NAV3: variants seen among roughly 807,000 people sequenced by gnomAD.
The protein encoded by NAV3 is neuron navigator 3, also known as pore membrane and/or filament interacting like protein 1.
A neutral mutation model predicts 244.7 loss-of-function variants in NAV3; 87 were observed. The ratio of observed to expected loss-of-function variants is 0.36; its 90% CI spans 0.30 to 0.42. The LOEUF is 0.42. Among genes scored for constraint, NAV3 ranks in the 20% least tolerant of loss-of-function variants. NAV3 has a pLI of 1.00. For synonymous variants in NAV3, 1,126 were observed against 1,042.2 expected (o/e 1.08, Z -1.55); for missense variants, 2,663 against 2,893.3 (o/e 0.92, Z 1.83).
intron 2 of NAV3, among the ~76,000 whole-genome samples, chr12:77,700,545 G>T (rs1218438817): frequency 6.6e-6 from 1 of 152,056 alleles, no homozygotes; most frequent in East Asian, 1.9e-4. Context: ...TACTGGTGAA[G>T]ATATCTATTA....
chr12:77,922,374 T>C (rs962883824), intron 1 of NAV3, among the ~76,000 whole-genome samples: 2 of 152,146 alleles, frequency 1.3e-5, no homozygotes, highest in African/African-American at 4.8e-5. Flanking sequence ...TTCGGGCTCT[T>C]GTGAATGTTT....
chr12:77,990,329 T>A (rs1056808314), intron 5 of NAV3, among the ~76,000 whole-genome samples: 1 of 152,116 alleles, frequency 6.6e-6, no homozygotes, highest in Non-Finnish European at 1.5e-5. Context: ...GGAAGAAAAG[T>A]TGGTCAACAG....
intron 2 of NAV3, among the ~76,000 whole-genome samples, chr12:77,770,140 T>G (rs1487972627): frequency 6.6e-6 from 1 of 152,054 alleles, no homozygotes; most frequent in Non-Finnish European, 1.5e-5. Flanking sequence ...GGGCTAGAGA[T>G]CCAATTTTTT....
At chr12:77,963,675 G>A (rs1892235099) in intron 3 of NAV3, among the ~76,000 whole-genome samples, 1 of 152,056 alleles carries the variant, frequency 6.6e-6, no homozygotes, top group Non-Finnish European at 1.5e-5. Flanking sequence ...AGCTACTCAG[G>A]CAATAATGGG....
intron 4 of NAV3, among the ~76,000 whole-genome samples, chr12:77,967,360 ACT>A (rs1397255943): frequency 5.3e-5 from 8 of 152,112 alleles, no homozygotes; most frequent in Admixed American, 4.6e-4. Context: ...GAAAATTAAC[ACT>A]CTCTCACTGT....
At chr12:77,895,309 T>TTGTGTGTGTGTGTGTGTGTGTG (rs71440496) in intron 1 of NAV3, among the ~76,000 whole-genome samples, 1 of 148,468 alleles carries the variant, frequency 6.7e-6, no homozygotes, top group South Asian at 2.1e-4. Flanking sequence ...TTTAGAATGA[T>TTGTGTGTGTGTGTGTGTGTGTG]TGTGTGTGTG....
At position 78,200,480 on chromosome 12, in the gene NAV3, A is replaced by G. The variant is rs774262027; in HGVS notation, c.6723A>G (p.Arg2241=). 6.4e-7 allele frequency: 1 copy of G among 1,571,480 alleles called. No individual in the cohort carries two copies. Among genetic ancestry groups the G allele is most frequent in the Non-Finnish European group, 8.6e-7 (1 of 1,158,334 alleles). Residue 2241 remains arginine, a synonymous_variant, in exon 38 of 40, where the codon CGA becomes CGG. Coordinates refer to ENST00000397909, the MANE Select transcript of NAV3 (RefSeq NM_001024383.2). The part of the protein sequence containing the change: ...HSSSDVTIGP[R]LFLPCPMDVE... ...TTATTTATTTCTTATCAGGTCCCCGACTATTCCTTCCTTGCCCCATGGATG... is the reference window on the plus strand; with the variant it reads ...TTATTTATTTCTTATCAGGTCCCCGGCTATTCCTTCCTTGCCCCATGGATG...
rs1247152688 is a variant in NAV3 at position 78,119,486 on chromosome 12, C to T, written c.3290C>T (p.Pro1097Leu). The T allele has an allele frequency of 3.1e-6, 5 of 1,614,046 alleles. No individual in the cohort carries two copies. The highest frequency in any genetic ancestry group is 4.2e-6 in the Non-Finnish European group (5 of 1,180,036). ...GGCTCTGCAACACTGGGTAAAATTC[C>T]AAAATCTGCTGCCATTGGCGGGAAG... The part of the protein sequence containing the change: ...TSGSATLGKI[P>L]KSAAIGGKSN... Residue 1097 changes from proline (P) to leucine (L), a missense_variant, in exon 15 of 40, where the codon CCA becomes CTA. This residue lies in a region of NAV3 where 1,521 missense variants were observed against 1,497.0 expected (regional missense o/e 1.02). Transcript: ENST00000397909.
intron 1 of NAV3, among the ~76,000 whole-genome samples, chr12:77,913,357 G>A (rs546352482): frequency 6.6e-6 from 1 of 152,024 alleles, no homozygotes; most frequent in African/African-American, 2.4e-5. Context: ...GTAAATGTTA[G>A]AACTGTTTAG....
intron 3 of NAV3, among the ~76,000 whole-genome samples, chr12:77,960,782 A>T (rs921683380): frequency 6.8e-6 from 1 of 147,278 alleles, no homozygotes; most frequent in East Asian, 2.0e-4. Context: ...CATATGCAGT[A>T]TATAAATATA....
At chr12:77,934,431 C>T (rs577928241) in intron 1 of NAV3, among the ~76,000 whole-genome samples, 12 of 104,364 alleles carry the variant, frequency 1.1e-4, no homozygotes, top group African/African-American at 3.9e-4. Context: ...CTTTCCTATA[C>T]TGTTGTGGTC....
At chr12:77,938,936 G>C (rs889285210) in intron 1 of NAV3, among the ~76,000 whole-genome samples, 2 of 150,492 alleles carry the variant, frequency 1.3e-5, no homozygotes, top group African/African-American at 4.9e-5. Flanking sequence ...GATCTCGTGT[G>C]TGTGTGTGTG....
intron 38 of NAV3, among the ~76,000 whole-genome samples, chr12:78,203,071 G>A (rs1162182003): frequency 6.6e-6 from 1 of 152,060 alleles, no homozygotes; most frequent in Non-Finnish European, 1.5e-5. Context: ...AAATGTTGGT[G>A]ATACAATGGA....
chr12:77,779,026 T>C (rs1044624979), intron 2 of NAV3, among the ~76,000 whole-genome samples: 26 of 152,232 alleles, frequency 1.7e-4, no homozygotes, highest in Non-Finnish European at 2.9e-5. Flanking sequence ...AAAAAAGTTT[T>C]ACTTGCAAGC....
chr12:78,075,053 T>A (rs992942692), intron 12 of NAV3, among the ~76,000 whole-genome samples: 4 of 152,188 alleles, frequency 2.6e-5, no homozygotes, highest in African/African-American at 9.6e-5. Flanking sequence ...TTTCCCTCCT[T>A]GGATCCTGTA....
chr12:78,188,530 A>T (rs2139846906), intron 32 of NAV3, 79 bp from the exon 33 acceptor site: 1 of 1,396,474 alleles, frequency 7.2e-7, no homozygotes, highest in Non-Finnish European at 9.9e-7. Context: ...AACTAGCTCT[A>T]TATCCCTGTG....
At chr12:78,073,777 C>T (rs1016923355) in intron 12 of NAV3, among the ~76,000 whole-genome samples, 3 of 152,136 alleles carry the variant, frequency 2.0e-5, no homozygotes, top group African/African-American at 7.2e-5. Flanking sequence ...ATCACACTAC[C>T]TGACTTCAAA....
intron 2 of NAV3, among the ~76,000 whole-genome samples, chr12:77,779,097 G>T (rs73138021): frequency 0.1 from 15,496 of 152,198 alleles, 1,146 homozygotes; most frequent in East Asian, 0.35. Context: ...ATTTTGTTTT[G>T]TAATGACACT....
intron 2 of NAV3, among the ~76,000 whole-genome samples, chr12:77,725,171 G>A (rs1042431607): frequency 6.6e-6 from 1 of 151,732 alleles, no homozygotes; most frequent in African/African-American, 2.4e-5. Context: ...TTCCATTTGG[G>A]AAATACAACA....
Sources: gnomAD v4.1 joint callset for allele counts (sites outside exome capture counted in the v4.1 genomes callset) on GRCh38, gnomAD v4.1.1 for gene constraint, gnomAD v4.1.1 regional missense constraint, MANE v1.5 for transcripts, NCBI Gene and HGNC (gene_info 2026-07-23, HGNC 2026-07-21) for gene names.